CDC14A: variants seen among roughly 807,000 people sequenced by gnomAD.
CDC14A encodes cell division cycle 14A, also known as dual specificity protein phosphatase CDC14A.
A neutral mutation model predicts 74.4 loss-of-function variants in CDC14A; 53 were observed. The observed-to-expected ratio is 0.71, with a 90% confidence interval of 0.57 to 0.89. The LOEUF (loss-of-function observed/expected upper bound fraction) is 0.89, where lower values mean the gene tolerates loss of function less well. CDC14A is among the 40% of genes least tolerant of loss of function. The pLI is 0.00. For synonymous variants in CDC14A, 247 were observed against 258.4 expected (o/e 0.96, Z 0.43); for missense variants, 646 against 713.7 (o/e 0.91, Z 1.08).
intron 7 of CDC14A, among the ~76,000 whole-genome samples, chr1:100,450,766 CT>C (rs1415548785): frequency 6.6e-6 from 1 of 152,004 alleles, no homozygotes; most frequent in Non-Finnish European, 1.5e-5. Flanking sequence ...TTCCCCATGG[CT>C]TTTTTTTCTT....
intron 1 of CDC14A, among the ~76,000 whole-genome samples, chr1:100,353,212 G>A (rs1392169855): frequency 6.6e-6 from 1 of 152,166 alleles, no homozygotes; most frequent in African/African-American, 2.4e-5. Flanking sequence ...CAGCTCCCTC[G>A]GATGGCCTCT....
At chr1:100,410,908 A>G (rs1403415541) in intron 4 of CDC14A, among the ~76,000 whole-genome samples, 2 of 152,230 alleles carry the variant, frequency 1.3e-5, no homozygotes, top group Non-Finnish European at 2.9e-5. Context: ...CAGGTTAAGT[A>G]CAAGAACTTC....
intron 10 of CDC14A, among the ~76,000 whole-genome samples, chr1:100,472,210 G>A (rs1261049862): frequency 6.6e-6 from 1 of 152,118 alleles, no homozygotes; most frequent in Non-Finnish European, 1.5e-5. Context: ...CATACGAAAA[G>A]CGATTCACCC....
At chr1:100,357,763 A>G (rs981670946) in intron 2 of CDC14A, among the ~76,000 whole-genome samples, 5 of 146,208 alleles carry the variant, frequency 3.4e-5, no homozygotes, top group Non-Finnish European at 6.1e-5. Context: ...AAAAAAAAAG[A>G]AAGAAATGCT....
intron 12 of CDC14A, among the ~76,000 whole-genome samples, chr1:100,495,538 TATC>T (rs1243132735): frequency 6.6e-6 from 1 of 152,186 alleles, no homozygotes; most frequent in Non-Finnish European, 1.5e-5. Context: ...CGTTTGTAAA[TATC>T]ATCATTTTTT....
intron 4 of CDC14A, among the ~76,000 whole-genome samples, chr1:100,399,327 T>C (rs1192783608): frequency 1.3e-5 from 2 of 152,184 alleles, no homozygotes; most frequent in Non-Finnish European, 2.9e-5. Flanking sequence ...AACACATCTC[T>C]TTCTATATTA....
intron 4 of CDC14A, among the ~76,000 whole-genome samples, chr1:100,391,216 A>C (rs571357627): frequency 9.2e-5 from 14 of 152,214 alleles, no homozygotes. Flanking sequence ...TTGGGAGAAG[A>C]GGAAACCTTA....
chr1:100,425,194 A>G (rs1027619155), intron 5 of CDC14A, among the ~76,000 whole-genome samples: 1 of 152,152 alleles, frequency 6.6e-6, no homozygotes, highest in Non-Finnish European at 1.5e-5. Flanking sequence ...ACATACATAC[A>G]GTAGAAGGGA....
intron 10 of CDC14A, among the ~76,000 whole-genome samples, chr1:100,482,876 G>A (rs764748291): frequency 5.3e-5 from 8 of 151,942 alleles, no homozygotes; most frequent in East Asian, 1.9e-4. Flanking sequence ...TGTGCACAAC[G>A]TGCAGGCTTG....
At chr1:100,487,621 T>G (rs17122653) in intron 11 of CDC14A, among the ~76,000 whole-genome samples, 8,228 of 151,614 alleles carry the variant, frequency 0.054, 748 homozygotes, top group African/African-American at 0.19. Flanking sequence ...AGTTTTTTAG[T>G]GCTTAGGATG....
chr1:100,377,024 C>T (rs1243929418), intron 2 of CDC14A, among the ~76,000 whole-genome samples: 1 of 150,570 alleles, frequency 6.6e-6, no homozygotes, highest in Non-Finnish European at 1.5e-5. Context: ...TTAAAACTGT[C>T]CAATTAGTTC....
chr1:100,454,221 A>G (rs567364077), intron 7 of CDC14A, among the ~76,000 whole-genome samples: 5 of 152,222 alleles, frequency 3.3e-5, no homozygotes, highest in African/African-American at 1.2e-4. Context: ...ATATTGGGTC[A>G]GTTTTCTACT....
intron 4 of CDC14A, among the ~76,000 whole-genome samples, chr1:100,399,139 C>T (rs1040989072): frequency 7.2e-5 from 11 of 151,968 alleles, no homozygotes; most frequent in African/African-American, 2.2e-4. Context: ...AAAATTCTCT[C>T]GCAGTTCTAA....
intron 7 of CDC14A, among the ~76,000 whole-genome samples, chr1:100,450,993 G>A (rs1033428342): frequency 6.6e-6 from 1 of 152,144 alleles, no homozygotes; most frequent in Non-Finnish European, 1.5e-5. Context: ...ATAATGTGCT[G>A]TCTTTTGGAT....
chr1:100,363,613 TC>T (rs1479997471), intron 2 of CDC14A, among the ~76,000 whole-genome samples: 1 of 144,524 alleles, frequency 6.9e-6, no homozygotes, highest in Admixed American at 6.6e-5. Flanking sequence ...TTTAGACTTC[TC>T]TTTTTTTTTT....
Position 100,352,538 on chromosome 1 carries a change from C to T in CDC14A, c.-417C>T. On this transcript the variant is annotated 5_prime_UTR_variant, in exon 1 of 16. Transcript: ENST00000336454. Reference sequence around the variant, plus strand: ...GCTGCCAGCCCGCGGGCACTGAAGTCCTCCCGGCTGCCGCTCGAGTAGCCA... The same window carrying T: ...GCTGCCAGCCCGCGGGCACTGAAGTTCTCCCGGCTGCCGCTCGAGTAGCCA... 1.9e-6 allele frequency: 2 copies of T among 1,040,060 alleles called. No individual in the cohort carries two copies. The highest frequency in any genetic ancestry group is 1.7e-5 in the African/African-American group (1 of 57,922). 64.4% of individuals were successfully genotyped at this position (1,040,060 alleles called of 1,614,324 possible). A position where few individuals can be genotyped will look rare whatever the true frequency, so the allele number is the denominator to read the frequency against.
chr1:100,450,359 A>G (rs1666012242), intron 7 of CDC14A, among the ~76,000 whole-genome samples: 1 of 152,210 alleles, frequency 6.6e-6, no homozygotes, highest in Non-Finnish European at 1.5e-5. Context: ...GCAAACTAAA[A>G]TGTAATCTGG....
chr1:100,491,399 T>C (rs1456541140), intron 11 of CDC14A, among the ~76,000 whole-genome samples: 1 of 151,008 alleles, frequency 6.6e-6, no homozygotes, highest in African/African-American at 2.4e-5. Context: ...GGTTTTAATA[T>C]TTTTTCCTGT....
At chr1:100,491,761 G>C (rs1670723521) in intron 11 of CDC14A, among the ~76,000 whole-genome samples, 1 of 150,280 alleles carries the variant, frequency 6.7e-6, no homozygotes, top group South Asian at 2.1e-4. Flanking sequence ...TAGTAGAGAT[G>C]GGGTTTCACC....
Sources: allele counts gnomAD v4.1 joint callset (sites outside exome capture counted in the v4.1 genomes callset), GRCh38; gene constraint gnomAD v4.1.1; transcripts MANE v1.5; gene names NCBI Gene and HGNC (gene_info 2026-07-23, HGNC 2026-07-21).